The following TBC1D5 variants were observed in gnomAD, a reference collection of about 807,000 sequenced individuals.
TBC1D5 encodes the protein TBC1 domain family member 5.
A neutral mutation model predicts 100.3 loss-of-function variants in TBC1D5; 75 were observed. The ratio of observed to expected loss-of-function variants is 0.75; its 90% CI spans 0.62 to 0.91. The LOEUF is 0.91. Ranked by LOEUF, TBC1D5 falls within the 40% of genes least tolerant of loss-of-function variation. The pLI, the probability that TBC1D5 is intolerant of heterozygous loss-of-function variation, is 0.00. For synonymous variants in TBC1D5, 323 were observed against 325.6 expected (o/e 0.99, Z 0.09); for missense variants, 910 against 942.4 (o/e 0.97, Z 0.45).
chr3:17,475,853 TTGAACCAA>T (rs1559970394), intron 3 of TBC1D5, among the ~76,000 whole-genome samples: 31 of 152,116 alleles, frequency 2.0e-4, no homozygotes, highest in African/African-American at 7.5e-4. Context: ...TCCAAAATGT[TTGAACCAA>T]CTTTAACTCC....
chr3:17,311,659 T>C (rs1013346220), intron 13 of TBC1D5, among the ~76,000 whole-genome samples: 2 of 152,078 alleles, frequency 1.3e-5, no homozygotes, highest in African/African-American at 4.8e-5. Flanking sequence ...TAGTGGGTTA[T>C]ATACAGAGAA....
intron 1 of TBC1D5, among the ~76,000 whole-genome samples, chr3:17,690,023 A>G (rs2070895513): frequency 6.6e-6 from 1 of 152,210 alleles, no homozygotes; most frequent in Non-Finnish European, 1.5e-5. Flanking sequence ...AATTGTTGCT[A>G]TAATACATGA....
At chr3:17,728,890 A>T (rs2076327897) in intron 1 of TBC1D5, among the ~76,000 whole-genome samples, 1 of 151,834 alleles carries the variant, frequency 6.6e-6, no homozygotes, top group Admixed American at 6.6e-5. Context: ...ACTACATAAA[A>T]ATGTAATAGT....
chr3:17,491,600 G>A (rs751617892), intron 3 of TBC1D5, among the ~76,000 whole-genome samples: 4 of 152,134 alleles, frequency 2.6e-5, no homozygotes, highest in African/African-American at 9.7e-5. Context: ...TTATGTGATG[G>A]ATTACATTTA....
chr3:17,494,610 T>A (rs923099206), intron 3 of TBC1D5, among the ~76,000 whole-genome samples: 2 of 151,474 alleles, frequency 1.3e-5, no homozygotes, highest in African/African-American at 2.4e-5. Flanking sequence ...CTGGCTGGAG[T>A]TGCTGAAATT....
chr3:17,298,260 T>G (rs140546394), intron 14 of TBC1D5, among the ~76,000 whole-genome samples: 2,395 of 152,346 alleles, frequency 0.016, 55 homozygotes, highest in African/African-American at 0.054. Context: ...TATCTTTTTT[T>G]TGTGTTGGAC....
At chr3:17,626,369 T>C (rs1338349813) in intron 1 of TBC1D5, among the ~76,000 whole-genome samples, 2 of 152,272 alleles carry the variant, frequency 1.3e-5, no homozygotes, top group South Asian at 2.1e-4. Flanking sequence ...TGCTTGAGTG[T>C]AGGCAACCAA....
intron 15 of TBC1D5, among the ~76,000 whole-genome samples, chr3:17,267,249 T>C (rs1575045657): frequency 6.6e-6 from 1 of 152,142 alleles, no homozygotes; most frequent in Admixed American, 6.6e-5. Context: ...GTTATTTATA[T>C]ATATGGAAAG....
intron 14 of TBC1D5, among the ~76,000 whole-genome samples, chr3:17,293,571 A>G (rs17029242): frequency 0.064 from 9,786 of 152,278 alleles, 628 homozygotes; most frequent in African/African-American, 0.16. Context: ...AAACCAGTTC[A>G]GGTAACCTCT....
At chr3:17,205,173 T>C (rs2071991565) in intron 18 of TBC1D5, among the ~76,000 whole-genome samples, 1 of 152,350 alleles carries the variant, frequency 6.6e-6, no homozygotes, top group East Asian at 1.9e-4. Flanking sequence ...TAAATGAGAC[T>C]GTATTTTATT....
Position 17,535,070 on chromosome 3 carries a change from ATAGTT to A in TBC1D5, c.-35-26470_-35-26466del, listed in dbSNP as rs558210577. 1.3e-4 allele frequency among the ~76,000 whole-genome samples: 20 copies of A among 152,330 alleles called. No individual in the cohort carries two copies. The East Asian group carries it at 1.9e-3, about 15-fold the overall frequency. Reference sequence around the variant, plus strand: ...CAATTTTCCTTGATTGTGTAACAATATAGTTTAAACTTTCTTCAGTGAAATTATTA... The same window carrying A: ...CAATTTTCCTTGATTGTGTAACAATATAAACTTTCTTCAGTGAAATTATTA... On this transcript the variant is annotated intron_variant, in intron 2 of 21. Transcript: ENST00000253692.
At chr3:17,714,664 C>G (rs1045358759) in intron 1 of TBC1D5, among the ~76,000 whole-genome samples, 6 of 152,156 alleles carry the variant, frequency 3.9e-5, no homozygotes, top group Admixed American at 1.3e-4. Flanking sequence ...TTTGCAAAAA[C>G]ACTTTGGGAA....
chr3:17,629,911 T>A (rs1192037766), intron 1 of TBC1D5, among the ~76,000 whole-genome samples: 1 of 152,206 alleles, frequency 6.6e-6, no homozygotes. Context: ...TGTGTTGTTT[T>A]AAACCATTAA....
intron 3 of TBC1D5, among the ~76,000 whole-genome samples, chr3:17,462,322 ATTT>A (rs527597868): frequency 6.0e-5 from 8 of 132,626 alleles, no homozygotes; most frequent in Non-Finnish European, 3.2e-5. Context: ...TCGGACCTTA[ATTT>A]TTTTTTTTTT....
At chr3:17,652,616 T>A (rs1383735697) in intron 1 of TBC1D5, among the ~76,000 whole-genome samples, 2 of 152,196 alleles carry the variant, frequency 1.3e-5, no homozygotes, top group South Asian at 4.1e-4. Context: ...GTAGAGTCTG[T>A]CAACAATCAA....
chr3:17,200,255 T>C (rs1463301355), intron 18 of TBC1D5, among the ~76,000 whole-genome samples: 1 of 152,216 alleles, frequency 6.6e-6, no homozygotes, highest in African/African-American at 2.4e-5. Context: ...TAGATAGAAC[T>C]GTACATAAAC....
intron 2 of TBC1D5, among the ~76,000 whole-genome samples, chr3:17,592,498 A>G (rs1560231353): frequency 6.6e-6 from 1 of 152,144 alleles, no homozygotes; most frequent in East Asian, 1.9e-4. Context: ...GGCATTTGGC[A>G]CCTCCTACAA....
intron 14 of TBC1D5, among the ~76,000 whole-genome samples, chr3:17,295,084 G>A (rs980953077): frequency 6.6e-6 from 1 of 152,142 alleles, no homozygotes; most frequent in Admixed American, 6.5e-5. Context: ...ATTGAGTTTT[G>A]TTATCTACCT....
At chr3:17,493,917 C>T (rs971571205) in intron 3 of TBC1D5, among the ~76,000 whole-genome samples, 5 of 152,152 alleles carry the variant, frequency 3.3e-5, no homozygotes, top group Non-Finnish European at 7.3e-5. Context: ...TCTTCTGAAG[C>T]CTATTTCTGT....
Sources: gnomAD v4.1 joint callset for allele counts (sites outside exome capture counted in the v4.1 genomes callset) on GRCh38, gnomAD v4.1.1 for gene constraint, MANE v1.5 for transcripts, NCBI Gene and HGNC (gene_info 2026-07-23, HGNC 2026-07-21) for gene names.